DRD2: variants seen among roughly 807,000 people sequenced by gnomAD.
The protein encoded by DRD2 is dopamine receptor D2.
Under a neutral mutation model 38.0 loss-of-function variants are expected in DRD2, and 8 were observed. The ratio of observed to expected loss-of-function variants is 0.21; its 90% confidence interval spans 0.12 to 0.38. The LOEUF (loss-of-function observed/expected upper bound fraction) is 0.38, where lower values mean the gene tolerates loss of function less well. Among genes scored for constraint, DRD2 ranks in the 10% least tolerant of loss-of-function variants. The probability of loss-of-function intolerance (pLI) is 1.00; values close to 1 mark genes in which losing one functional copy is unlikely to be tolerated. For synonymous variants in DRD2, 230 were observed against 238.6 expected, an observed-to-expected ratio of 0.96 and a Z score of 0.33; for missense variants, 403 against 607.7, an observed-to-expected ratio of 0.66 and a Z score of 3.54.
intron 6 of DRD2, 105 bp downstream of exon 6, chr11:113,414,270 G>T: frequency 9.5e-7 from 1 of 1,057,238 alleles, no homozygotes. Flanking sequence ...GGGGTTTCTG[G>T]GGTGCTTCTC....
At chr11:113,465,447 A>G (rs1279818319) in intron 1 of DRD2, among the ~76,000 whole-genome samples, 1 of 108,670 alleles carries the variant, frequency 9.2e-6, no homozygotes, top group Non-Finnish European at 2.3e-5. Context: ...TGTTTGTTTT[A>G]CTGCAAATTG....
intron 1 of DRD2, among the ~76,000 whole-genome samples, chr11:113,448,988 C>T (rs751453810): frequency 9.2e-5 from 14 of 152,184 alleles, no homozygotes; most frequent in Non-Finnish European, 2.1e-4. Context: ...CTCATGTCAC[C>T]GCCTCGCTCA....
At chr11:113,454,453 T>C (rs984556630) in intron 1 of DRD2, among the ~76,000 whole-genome samples, 3 of 152,118 alleles carry the variant, frequency 2.0e-5, no homozygotes, top group African/African-American at 7.2e-5. Flanking sequence ...AAGGCAGACT[T>C]GGGACTTAAA....
chr11:113,427,533 A>G (rs559463033), intron 1 of DRD2, among the ~76,000 whole-genome samples: 34 of 152,250 alleles, frequency 2.2e-4, no homozygotes, highest in Admixed American at 7.2e-4. Flanking sequence ...AATAAAAACC[A>G]TACTATCTTG....
chr11:113,471,753 G>C (rs1483408256), intron 1 of DRD2, among the ~76,000 whole-genome samples: 1 of 152,182 alleles, frequency 6.6e-6, no homozygotes, highest in Non-Finnish European at 1.5e-5. Flanking sequence ...TGTATTTCTG[G>C]ACTAAGGAAA....
intron 1 of DRD2, among the ~76,000 whole-genome samples, chr11:113,444,830 T>G (rs1026752957): frequency 1.3e-5 from 2 of 152,200 alleles, no homozygotes; most frequent in Non-Finnish European, 2.9e-5. Flanking sequence ...GGCTCTGATA[T>G]GAGCACAAGC....
In DRD2 at chr11:113,410,298, G is replaced by C. The variant is rs1266692203; in HGVS notation, c.*429C>G. 1 of 339,906 alleles carries C rather than the reference G, an allele frequency of 2.9e-6. No individual in the cohort carries two copies. Among genetic ancestry groups the C allele is most frequent in the Non-Finnish European group, 5.6e-6 (1 of 177,638 alleles). The allele number at this position is 339,906 out of a possible 1,614,324, so 21.1% of individuals were successfully genotyped here. ...TGCTTGCCTCCTGTGGGCCTTGCAG[G>C]GTGTGAACTGTCCATCTCTCCCCAC... On this transcript the variant is annotated 3_prime_UTR_variant, in exon 8 of 8. Transcript: ENST00000362072.
At chr11:113,435,006 G>C (rs1471880355) in intron 1 of DRD2, among the ~76,000 whole-genome samples, 1 of 152,200 alleles carries the variant, frequency 6.6e-6, no homozygotes, top group Non-Finnish European at 1.5e-5. Context: ...CCCTTCTCCA[G>C]GGCTCTCATC....
chr11:113,445,833 C>CA (rs1258379246), intron 1 of DRD2, among the ~76,000 whole-genome samples: 1 of 152,176 alleles, frequency 6.6e-6, no homozygotes, highest in Non-Finnish European at 1.5e-5. Flanking sequence ...CAGAGAACTT[C>CA]AAAAATTTAT....
intron 1 of DRD2, among the ~76,000 whole-genome samples, chr11:113,457,937 A>G (rs1156620970): frequency 6.6e-6 from 1 of 152,256 alleles, no homozygotes; most frequent in Non-Finnish European, 1.5e-5. Flanking sequence ...GCTGTTCCCC[A>G]GTGGGTGGGA....
intron 2 of DRD2, among the ~76,000 whole-genome samples, chr11:113,419,603 TC>T (rs1565662457): frequency 6.6e-6 from 1 of 150,844 alleles, no homozygotes; most frequent in Non-Finnish European, 1.5e-5. Flanking sequence ...CAGCCCCAGT[TC>T]CCTGAGGATG....
intron 1 of DRD2, among the ~76,000 whole-genome samples, chr11:113,439,753 C>T (rs1444320353): frequency 2.2e-5 from 3 of 137,690 alleles, no homozygotes; most frequent in East Asian, 2.3e-4. Flanking sequence ...GTAGGAGAAT[C>T]GCCTGAACCC....
chr11:113,424,763 T>C (rs1950923816), intron 1 of DRD2, 81 bp from the exon 2 acceptor site: 1 of 1,346,210 alleles, frequency 7.4e-7, no homozygotes, highest in African/African-American at 1.4e-5. Flanking sequence ...ACTCCTGGCA[T>C]TTAATAATGA....
At chr11:113,449,283 G>T (rs1951186444) in intron 1 of DRD2, among the ~76,000 whole-genome samples, 1 of 152,126 alleles carries the variant, frequency 6.6e-6, no homozygotes, top group African/African-American at 2.4e-5. Flanking sequence ...AGCTCATCAA[G>T]ACTTCTTCCT....
Position 113,410,909 on chromosome 11 carries a change from T to C in DRD2, c.1150A>G (p.Ile384Val), listed in dbSNP as rs1473285159. 3.7e-6 allele frequency: 6 copies of C among 1,610,576 alleles called. No individual in the cohort carries two copies. Among genetic ancestry groups the C allele is most frequent in the African/African-American group, 2.7e-5 (2 of 74,830 alleles). ...GTGATGAAGAAGGGCAGCCAGCAGA[T>C]GATGAACACGCCTGGGGGAGAGGGC... ...MLAIVLGVFI[I>V]CWLPFFITHI... Residue 384 changes from isoleucine (I) to valine (V), a missense_variant, in exon 8 of 8, where the codon ATC becomes GTC. By Grantham distance (29) the Ile-to-Val change is conservative. Coordinates refer to ENST00000362072, the MANE Select transcript of DRD2 (RefSeq NM_000795.4).
At chr11:113,436,976 C>T (rs947790123) in intron 1 of DRD2, among the ~76,000 whole-genome samples, 1 of 152,098 alleles carries the variant, frequency 6.6e-6, no homozygotes, top group Non-Finnish European at 1.5e-5. Flanking sequence ...CCTGGCAACC[C>T]TTTCTATGGC....
chr11:113,419,593 C>T (rs1274429014), intron 2 of DRD2, among the ~76,000 whole-genome samples: 1 of 151,924 alleles, frequency 6.6e-6, no homozygotes, highest in Non-Finnish European at 1.5e-5. Flanking sequence ...AAGCTTGGAG[C>T]AGCCCCAGTT....
chr11:113,471,594 C>T, intron 1 of DRD2, among the ~76,000 whole-genome samples: 1 of 152,130 alleles, frequency 6.6e-6, no homozygotes, highest in East Asian at 1.9e-4. Context: ...CCGAGTGTTT[C>T]CTATATGCAG....
At chr11:113,451,556 A>G (rs991965268) in intron 1 of DRD2, among the ~76,000 whole-genome samples, 1 of 152,132 alleles carries the variant, frequency 6.6e-6, no homozygotes, top group Non-Finnish European at 1.5e-5. Flanking sequence ...CAGTGGCACA[A>G]TCTTGGCTCA....
Sources: allele counts gnomAD v4.1 joint callset (sites outside exome capture counted in the v4.1 genomes callset), GRCh38; gene constraint gnomAD v4.1.1; transcripts MANE v1.5; gene names NCBI Gene and HGNC (gene_info 2026-07-23, HGNC 2026-07-21).